EEFSEC: variants seen among roughly 807,000 people sequenced by gnomAD.
EEFSEC encodes eukaryotic elongation factor, selenocysteine-tRNA specific.
EEFSEC carries 43 observed loss-of-function variants against 42.1 expected under a neutral mutation model. The observed-to-expected ratio is 1.02, with a 90% confidence interval of 0.80 to 1.32. EEFSEC has a LOEUF of 1.32. Among genes scored for constraint, EEFSEC ranks in the 40% most tolerant of loss-of-function variants. EEFSEC has a pLI of 0.00. For synonymous variants in EEFSEC, 354 were observed against 339.1 expected (o/e 1.04, Z -0.48); for missense variants, 745 against 803.6 (o/e 0.93, Z 0.88).
At chr3:128,280,709 G>C (rs1576603886) in intron 4 of EEFSEC, among the ~76,000 whole-genome samples, 1 of 152,300 alleles carries the variant, frequency 6.6e-6, no homozygotes, top group East Asian at 1.9e-4. Context: ...CCTCAAGCTG[G>C]GGCTCGCACA....
At position 128,239,794 on chromosome 3, in the gene EEFSEC, C is replaced by T. The variant is rs149196893; in HGVS notation, c.317-7042C>T. 1.0e-3 allele frequency among the ~76,000 whole-genome samples: 152 copies of T among 152,322 alleles called. 1 individual carries two copies. Among genetic ancestry groups the T allele is most frequent in the African/African-American group, 3.5e-3 (145 of 41,578 alleles). ...AGAGAGGGTGAATAGCTTTATAAAA[C>T]TCCCCTCCATCTGAAACTGTTCATG... is the stretch of plus-strand genomic sequence containing the variant. On this transcript the variant is annotated intron_variant, in intron 1 of 6. Coordinates refer to ENST00000254730, the MANE Select transcript of EEFSEC (RefSeq NM_021937.5).
chr3:128,163,721 C>T (rs1191837049), intron 1 of EEFSEC, among the ~76,000 whole-genome samples: 13 of 152,086 alleles, frequency 8.5e-5, no homozygotes, highest in Admixed American at 2.6e-4. Flanking sequence ...TCTCCCAGGC[C>T]TAGGCAACCA....
At chr3:128,209,487 C>T (rs2065733966) in intron 1 of EEFSEC, among the ~76,000 whole-genome samples, 1 of 152,182 alleles carries the variant, frequency 6.6e-6, no homozygotes, top group South Asian at 2.1e-4. Flanking sequence ...CTAGGTAAGG[C>T]TAGGCGCCAG....
chr3:128,272,404 A>G (rs2066423657), intron 4 of EEFSEC, among the ~76,000 whole-genome samples: 1 of 152,128 alleles, frequency 6.6e-6, no homozygotes, highest in Non-Finnish European at 1.5e-5. Context: ...TTTCTCCTTC[A>G]CTGGACATTG....
At chr3:128,209,609 A>G (rs367562301) in intron 1 of EEFSEC, among the ~76,000 whole-genome samples, 7 of 152,348 alleles carry the variant, frequency 4.6e-5, no homozygotes, top group Admixed American at 3.3e-4. Flanking sequence ...TAAATTGTAG[A>G]TAATCATAAG....
intron 6 of EEFSEC, among the ~76,000 whole-genome samples, chr3:128,359,861 T>C (rs2067503127): frequency 6.6e-6 from 1 of 152,168 alleles, no homozygotes; most frequent in Admixed American, 6.5e-5. Flanking sequence ...TGGCTCCAGC[T>C]GGAAAACAGA....
chr3:128,178,573 A>G (rs564697488), intron 1 of EEFSEC, among the ~76,000 whole-genome samples: 1 of 152,340 alleles, frequency 6.6e-6, no homozygotes, highest in East Asian at 1.9e-4. Context: ...TAGAAGTAAT[A>G]TATAAAACCC....
chr3:128,323,503 C>T (rs570781339), intron 4 of EEFSEC, among the ~76,000 whole-genome samples: 2 of 152,210 alleles, frequency 1.3e-5, no homozygotes, highest in Non-Finnish European at 2.9e-5. Flanking sequence ...TGCTTCCCTG[C>T]CCTCCCAGCC....
At chr3:128,286,781 G>A (rs191672912) in intron 4 of EEFSEC, among the ~76,000 whole-genome samples, 1 of 152,346 alleles carries the variant, frequency 6.6e-6, no homozygotes, top group African/African-American at 2.4e-5. Context: ...CCTTTTAGCA[G>A]ATAGAGCTAG....
At chr3:128,320,423 T>C (rs1271689485) in intron 4 of EEFSEC, among the ~76,000 whole-genome samples, 1 of 152,272 alleles carries the variant, frequency 6.6e-6, no homozygotes, top group East Asian at 1.9e-4. Context: ...GATACCATGC[T>C]AATCATTTCA....
At chr3:128,370,580 G>A (rs963356637) in intron 6 of EEFSEC, among the ~76,000 whole-genome samples, 39 of 152,312 alleles carry the variant, frequency 2.6e-4, no homozygotes, top group African/African-American at 8.9e-4. Flanking sequence ...AGGGCCTGTG[G>A]AGGGAGGAGA....
intron 1 of EEFSEC, among the ~76,000 whole-genome samples, chr3:128,226,293 T>A (rs1190987506): frequency 6.6e-6 from 1 of 152,176 alleles, no homozygotes; most frequent in Non-Finnish European, 1.5e-5. Context: ...ATTGTGTCCC[T>A]CACAAGGACC....
chr3:128,304,986 G>A (rs2066810994), intron 4 of EEFSEC, among the ~76,000 whole-genome samples: 1 of 152,212 alleles, frequency 6.6e-6, no homozygotes, highest in South Asian at 2.1e-4. Context: ...TTGCAGGCAT[G>A]AGCCACCATG....
the EEFSEC span, among the ~76,000 whole-genome samples, chr3:128,417,616 G>A: frequency 7.9e-5 from 12 of 152,162 alleles, no homozygotes; most frequent in Non-Finnish European, 1.3e-4. This position sits in a 1 kb window ranked among gnomAD's most constrained non-coding sequence, Gnocchi z 4.3. Flanking sequence ...CTGTCCTTTT[G>A]CTCACTGCTG....
At chr3:128,425,155 C>T in the EEFSEC span, among the ~76,000 whole-genome samples, 16 of 152,164 alleles carry the variant, frequency 1.1e-4, no homozygotes, top group Non-Finnish European at 1.5e-4. Flanking sequence ...ACAGGTGCAC[C>T]CCCATGCTTC....
chr3:128,413,600 C>T (rs958974519), downstream of EEFSEC, among the ~76,000 whole-genome samples: 7 of 152,200 alleles, frequency 4.6e-5, no homozygotes, highest in East Asian at 9.6e-4. Context: ...TCAGTCCCCA[C>T]GTGCTCCCCC....
intron 3 of EEFSEC, among the ~76,000 whole-genome samples, chr3:128,263,910 C>G (rs6785597): frequency 5.3e-5 from 8 of 152,308 alleles, no homozygotes; most frequent in African/African-American, 1.9e-4. Context: ...CTCCCCACAT[C>G]CCCTTGTTTC....
Position 128,341,178 on chromosome 3 carries a change from C to G in EEFSEC, c.787-55C>G, listed in dbSNP as rs2067245903. 3 of 1,539,160 alleles carry G rather than the reference C, an allele frequency of 1.9e-6. No homozygotes were observed. The South Asian group carries it at 3.8e-5, about 19-fold the overall frequency. On this transcript the variant is annotated intron_variant, in intron 4 of 6. Coordinates refer to ENST00000254730, the MANE Select transcript of EEFSEC (RefSeq NM_021937.5). ...CTCTAGCTGCAGCTCCCCTCTCCTCCCCACAGCCCCGAGGCTTGTTGGTTT... is the reference window on the plus strand; with the variant it reads ...CTCTAGCTGCAGCTCCCCTCTCCTCGCCACAGCCCCGAGGCTTGTTGGTTT...
chr3:128,177,403 C>CCCCCAT (rs1371336575), intron 1 of EEFSEC, among the ~76,000 whole-genome samples: 1 of 139,452 alleles, frequency 7.2e-6, no homozygotes, highest in Admixed American at 7.3e-5. Context: ...ACCACCCCCA[C>CCCCCAT]CCCCACCCGC....
Sources: gnomAD v4.1 joint callset for allele counts (sites outside exome capture counted in the v4.1 genomes callset) on GRCh38, gnomAD v4.1.1 for gene constraint, Gnocchi (gnomAD v3.1) non-coding constraint, MANE v1.5 for transcripts, NCBI Gene and HGNC (gene_info 2026-07-23, HGNC 2026-07-21) for gene names.